Variants in BBOF1 observed in about 807,000 individuals in gnomAD.
BBOF1 encodes basal body-orientation factor 1.
A neutral mutation model predicts 68.0 loss-of-function variants in BBOF1; 62 were observed. That is an observed-to-expected ratio of 0.91 (90% CI 0.74 to 1.13). BBOF1 has a LOEUF of 1.13. Ranked by LOEUF, BBOF1 falls within the 50% of genes most tolerant of loss-of-function variation. The probability of loss-of-function intolerance (pLI) is 0.00; values close to 1 mark genes in which losing one functional copy is unlikely to be tolerated. For missense variants in BBOF1, 534 were observed against 600.1 expected, an observed-to-expected ratio of 0.89 and a Z score of 1.15; for synonymous variants, 208 against 198.8, an observed-to-expected ratio of 1.05 and a Z score of -0.39.
intron 1 of BBOF1, among the ~76,000 whole-genome samples, chr14:74,021,298 T>C (rs905633195): frequency 2.6e-5 from 4 of 152,108 alleles, no homozygotes; most frequent in Admixed American, 6.6e-5. Flanking sequence ...TCAGGCATCC[T>C]TAAAGCCCGG....
chr14:74,066,920 A>T (rs778811858), downstream of BBOF1: 5 of 1,589,532 alleles, frequency 3.1e-6, no homozygotes, highest in Admixed American at 3.3e-5. Flanking sequence ...TAAGGTCCTC[A>T]TTAACATAAA....
downstream of BBOF1, chr14:74,066,211 A>T (rs2060462063): frequency 5.4e-6 from 1 of 185,828 alleles, no homozygotes; most frequent in African/African-American, 2.4e-5. Flanking sequence ...AACCAGTATA[A>T]GATAAGATAG....
chr14:74,071,188 C>A (rs1292077052), intron 9 of BBOF1: 2 of 1,612,536 alleles, frequency 1.2e-6, no homozygotes, highest in Non-Finnish European at 1.7e-6. Context: ...TGCATAAGGG[C>A]AGTTACCTTC....
intron 9 of BBOF1, chr14:74,071,883 G>C (rs1174407117): frequency 6.2e-7 from 1 of 1,613,580 alleles, no homozygotes; most frequent in Non-Finnish European, 8.5e-7. Context: ...CCCATAAGGG[G>C]CTCCCAGCTT....
At chr14:74,056,712 C>G in intron 9 of BBOF1, 194 bp from the exon 10 acceptor site, 1 of 516,426 alleles carries the variant, frequency 1.9e-6, no homozygotes, top group Non-Finnish European at 3.4e-6. Context: ...GGGATGGATA[C>G]TTCATTCTCT....
chr14:74,053,717 CTT>C (rs1205753772), intron 8 of BBOF1, among the ~76,000 whole-genome samples: 3 of 142,192 alleles, frequency 2.1e-5, no homozygotes, highest in Admixed American at 7.1e-5. Flanking sequence ...AAAACCTAAA[CTT>C]TTTTTTTTTT....
chr14:74,067,357 G>A (rs775225830), downstream of BBOF1: 20 of 1,611,936 alleles, frequency 1.2e-5, no homozygotes, highest in Non-Finnish European at 1.7e-5. Context: ...AAATCTAAGG[G>A]GGCAAGTCAG....
intron 11 of BBOF1, chr14:74,060,316 A>G (rs1301113744): frequency 3.2e-6 from 1 of 315,852 alleles, no homozygotes; most frequent in South Asian, 3.2e-5. Flanking sequence ...TTTTCTTTAC[A>G]TACACTGGCT....
intron 10 of BBOF1, among the ~76,000 whole-genome samples, chr14:74,079,474 C>T (rs567112179): frequency 6.6e-6 from 1 of 150,716 alleles, no homozygotes; most frequent in African/African-American, 2.4e-5. Flanking sequence ...CACTCTGTCG[C>T]CCAGGCTGGA....
intron 4 of BBOF1, among the ~76,000 whole-genome samples, chr14:74,036,712 G>C (rs866971122): frequency 8.3e-5 from 12 of 145,250 alleles, no homozygotes; most frequent in Middle Eastern, 3.6e-3. Context: ...GCTGTCTTTA[G>C]TGTTCCTCCA....
rs745320500 is a variant in BBOF1 at position 74,046,091 on chromosome 14, T to C, written c.608T>C (p.Ile203Thr). 2.5e-6 allele frequency: 4 copies of C among 1,609,168 alleles called. No homozygotes were observed. In the South Asian group the frequency reaches 3.3e-5, roughly 13 times the overall value. The change falls in exon 6 of 12, where the codon ATA becomes ACA. Residue 203 changes from isoleucine (I) to threonine (T), a missense_variant. By Grantham distance (89) the Ile-to-Thr change is moderately conservative. Coordinates refer to ENST00000394009, the MANE Select transcript of BBOF1 (RefSeq NM_025057.3). Reference sequence around the variant, plus strand: ...CTAGAACAAGAGGCTGAAAAGAAGATAATAATGCTAGCAGAGAGAGCCCAC... The same window carrying C: ...CTAGAACAAGAGGCTGAAAAGAAGACAATAATGCTAGCAGAGAGAGCCCAC... ...HRLEQEAEKK[I>T]IMLAERAHHE...
intron 10 of BBOF1, among the ~76,000 whole-genome samples, chr14:74,079,340 G>A (rs1359385369): frequency 2.6e-5 from 4 of 151,868 alleles, no homozygotes; most frequent in Admixed American, 6.6e-5. Context: ...TCCACCTCCC[G>A]GGTTCAGGCG....
In BBOF1 at chr14:74,022,955, CAAGGCCAATGCCTCCCTTTGG is replaced by C. The variant is rs1425247028; in HGVS notation, c.97_117del (p.Lys33_Trp39del). ...CAGATGAATCTGTGGTGGACAGAGC[CAAGGCCAATGCCTCCCTTTGG>C]GAGGCCAGGTTGGAAGTCACAGAAC... is the stretch of plus-strand genomic sequence containing the variant. On this transcript the variant is annotated inframe_deletion, in exon 2 of 12. Coordinates refer to ENST00000394009, the MANE Select transcript of BBOF1 (RefSeq NM_025057.3). 3 of 1,613,288 alleles carry C rather than the reference CAAGGCCAATGCCTCCCTTTGG, an allele frequency of 1.9e-6. No individual in the cohort carries two copies. The highest frequency in any genetic ancestry group is 3.3e-5 in the Admixed American group (2 of 59,934).
intron 8 of BBOF1, among the ~76,000 whole-genome samples, chr14:74,050,594 T>G (rs1411108610): frequency 6.6e-6 from 1 of 152,148 alleles, no homozygotes; most frequent in East Asian, 1.9e-4. Flanking sequence ...AGGGTCTCAC[T>G]ACGTTGCCCA....
intron 10 of BBOF1, among the ~76,000 whole-genome samples, chr14:74,080,050 AC>A (rs111560520): frequency 3.4e-5 from 5 of 145,850 alleles, no homozygotes; most frequent in Non-Finnish European, 7.4e-5. Flanking sequence ...AAAAACAAAA[AC>A]CAAAAAACAA....
At chr14:74,035,574 C>G (rs1201978408) in intron 4 of BBOF1, among the ~76,000 whole-genome samples, 1 of 144,330 alleles carries the variant, frequency 6.9e-6, no homozygotes, top group East Asian at 2.0e-4. Flanking sequence ...TGCACCACCA[C>G]CCCCAGCTAA....
At position 74,046,092 on chromosome 14, in the gene BBOF1, A is replaced by G. The variant is rs183771610; in HGVS notation, c.609A>G (p.Ile203Met). The change falls in exon 6 of 12, where the codon ATA becomes ATG. Residue 203 changes from isoleucine (I) to methionine (M), a missense_variant. Physicochemically the swap from Ile to Met is conservative, Grantham distance 10. Transcript: ENST00000394009. ...TAGAACAAGAGGCTGAAAAGAAGAT[A>G]ATAATGCTAGCAGAGAGAGCCCACC... ...HRLEQEAEKK[I>M]IMLAERAHHE... is the part of the protein sequence containing the mutation. 3.1e-6 allele frequency: 5 copies of G among 1,609,226 alleles called. No individual in the cohort carries two copies. In the East Asian group the frequency reaches 1.1e-4, roughly 36 times the overall value.
Position 74,050,028 on chromosome 14 carries a change from G to A in BBOF1, c.1119G>A (p.Gln373=). 1.2e-6 allele frequency: 2 copies of A among 1,614,160 alleles called. No homozygotes were observed. The highest frequency in any genetic ancestry group is 2.2e-5 in the South Asian group (2 of 91,088). The stretch of plus-strand genomic sequence containing the variant: ...ATGCTCTGCACCAAGTGAAGCAACA[G>A]ATCCTAATTAGCAGGAAGCATTATA... ...FLDALHQVKQ[Q]ILISRKHYKQ... The change falls in exon 8 of 12, where the codon CAG becomes CAA. Residue 373 remains glutamine (Q), a synonymous_variant. Coordinates refer to ENST00000394009, the MANE Select transcript of BBOF1 (RefSeq NM_025057.3).
intron 3 of BBOF1, among the ~76,000 whole-genome samples, chr14:74,029,457 G>A (rs550654725): frequency 8.5e-5 from 13 of 152,106 alleles, no homozygotes; most frequent in South Asian, 6.2e-4. Flanking sequence ...CTGAGGCGGC[G>A]GATCACCTGA....
Sources: gnomAD v4.1 joint callset for allele counts (sites outside exome capture counted in the v4.1 genomes callset) on GRCh38, gnomAD v4.1.1 for gene constraint, MANE v1.5 for transcripts, NCBI Gene and HGNC (gene_info 2026-07-23, HGNC 2026-07-21) for gene names.